CELF2: variants seen among roughly 807,000 people sequenced by gnomAD.
CELF2 encodes CUGBP Elav-like family member 2, also known as CUG triplet repeat RNA-binding protein 2.
In CELF2, 8 loss-of-function variants were observed where a neutral mutation model predicts 62.6. The ratio of observed to expected loss-of-function variants is 0.13; its 90% CI spans 0.07 to 0.23. The LOEUF (loss-of-function observed/expected upper bound fraction) is 0.23, where lower values mean the gene tolerates loss of function less well. Among genes scored for constraint, CELF2 ranks in the 10% least tolerant of loss-of-function variants. CELF2 has a pLI of 1.00. For synonymous variants in CELF2, 258 were observed against 250.0 expected (o/e 1.03, Z -0.30); for missense variants, 333 against 671.0 (o/e 0.50, Z 5.56).
intron 2 of CELF2, among the ~76,000 whole-genome samples, chr10:11,195,419 A>G (rs971584186): frequency 2.0e-5 from 3 of 152,206 alleles, no homozygotes; most frequent in African/African-American, 7.2e-5. Context: ...CCTTGAAGCC[A>G]GACTTAGGTA....
At chr10:10,740,737 G>C in the CELF2 span, among the ~76,000 whole-genome samples, 1 of 152,172 alleles carries the variant, frequency 6.6e-6, no homozygotes, top group Non-Finnish European at 1.5e-5. Flanking sequence ...CACACTCAAT[G>C]GAGTATTAAT....
chr10:11,166,425 C>G (rs2133392918), intron 2 of CELF2, among the ~76,000 whole-genome samples: 1 of 152,310 alleles, frequency 6.6e-6, no homozygotes, highest in South Asian at 2.1e-4. Context: ...ACCCAGAAAC[C>G]ATTGTGAGGA....
intron 1 of CELF2, among the ~76,000 whole-genome samples, chr10:10,800,871 A>G (rs1251851377): frequency 6.6e-6 from 1 of 151,770 alleles, no homozygotes; most frequent in Non-Finnish European, 1.5e-5. Context: ...TTTAAACTGG[A>G]TTACTAACCT....
intron 2 of CELF2, chr10:10,929,530 G>A (rs559753410): frequency 6.6e-6 from 1 of 152,212 alleles, no homozygotes; most frequent in Non-Finnish European, 1.5e-5. Context: ...GCAGCCCAGC[G>A]AAGTGATTCA....
At chr10:10,503,510 ATCAGATATTAATATAGCCACTCCTACTT>A in the CELF2 span, among the ~76,000 whole-genome samples, 1 of 151,854 alleles carries the variant, frequency 6.6e-6, no homozygotes, top group Non-Finnish European at 1.5e-5. Context: ...TTGCTTGGAA[ATCAGATATTAATATAGCCACTCCTACTT>A]TCGCTTGATT....
intron 1 of CELF2, among the ~76,000 whole-genome samples, chr10:11,100,717 A>G (rs2051347287): frequency 6.6e-6 from 1 of 152,176 alleles, no homozygotes. Context: ...GTAGCATTTT[A>G]TAATGTGAGA....
chr10:10,971,388 C>T lies in CELF2; in HGVS notation c.89+51389C>T, dbSNP rs541076965. On this transcript the variant is annotated intron_variant, in intron 2 of 13. Coordinates refer to the CELF2 transcript ENST00000636488. The stretch of plus-strand genomic sequence containing the variant: ...CCCCTCACCTTATACATTTTTGGCT[C>T]TTCTTTCTCTCGCTCGCTCACTTGC... Among the ~76,000 whole-genome samples, 9 of 152,234 alleles carry T rather than the reference C, an allele frequency of 5.9e-5. No individual in the cohort carries two copies. In the South Asian group the frequency reaches 1.9e-3, roughly 32 times the overall value.
At chr10:10,582,406 T>G in the CELF2 span, among the ~76,000 whole-genome samples, 1 of 152,188 alleles carries the variant, frequency 6.6e-6, no homozygotes, top group African/African-American at 2.4e-5. Flanking sequence ...CCTGAGATAG[T>G]TTTCCGAGAT....
chr10:11,319,458 G>A lies in CELF2; in HGVS notation c.1097-1731G>A, dbSNP rs1017463493. On this transcript the variant is annotated intron_variant, in intron 10 of 12. Transcript: ENST00000633077. The surrounding 1 kb of genome is among the most constrained non-coding windows in gnomAD (Gnocchi z 4.4). ...AGGTGGCCGCGATTTGCTGGTGTCC[G>A]AGGGATCATTTAGGGTAATTAGGAC... 2.0e-5 allele frequency among the ~76,000 whole-genome samples: 3 copies of A among 152,182 alleles called. No homozygotes were observed. Among genetic ancestry groups the A allele is most frequent in the Non-Finnish European group, 4.4e-5 (3 of 68,026 alleles).
chr10:10,841,861 G>A (rs1309021472), intron 1 of CELF2, among the ~76,000 whole-genome samples: 1 of 152,000 alleles, frequency 6.6e-6, no homozygotes, highest in African/African-American at 2.4e-5. Context: ...AAATTGCATT[G>A]AATCTATAAA....
At chr10:11,283,076 C>T (rs531456150) in intron 8 of CELF2, among the ~76,000 whole-genome samples, 2 of 152,272 alleles carry the variant, frequency 1.3e-5, no homozygotes, top group South Asian at 2.1e-4. Flanking sequence ...CTTATGAGCA[C>T]GCACTTCTGA....
chr10:11,051,602 A>ATAACAGATACGGTGACT (rs1380806321), intron 1 of CELF2, among the ~76,000 whole-genome samples: 1 of 152,236 alleles, frequency 6.6e-6, no homozygotes, highest in Admixed American at 6.5e-5. Context: ...CTAAGGTTTC[A>ATAACAGATACGGTGACT]TAACAGATAC....
chr10:10,492,262 C>A, the CELF2 span, among the ~76,000 whole-genome samples: 2 of 152,164 alleles, frequency 1.3e-5, no homozygotes, highest in Non-Finnish European at 2.9e-5. Flanking sequence ...TCCAGCCTTG[C>A]CCCTCTTTTC....
chr10:10,718,021 A>T, the CELF2 span, among the ~76,000 whole-genome samples: 4 of 152,212 alleles, frequency 2.6e-5, no homozygotes, highest in Non-Finnish European at 5.9e-5. Context: ...AGAGGCATTC[A>T]TGTAGATTAT....
chr10:11,194,903 G>A (rs1406793104), intron 2 of CELF2, among the ~76,000 whole-genome samples: 1 of 152,134 alleles, frequency 6.6e-6, no homozygotes, highest in East Asian at 1.9e-4. Context: ...CGTCTTTGTT[G>A]GACAAGCCAG....
At chr10:10,992,972 G>T (rs1182172271) in intron 2 of CELF2, among the ~76,000 whole-genome samples, 1 of 152,166 alleles carries the variant, frequency 6.6e-6, no homozygotes, top group Non-Finnish European at 1.5e-5. Flanking sequence ...AGGATGTGCT[G>T]AAACACTTAT....
At chr10:11,317,645 C>T (rs879364722) in intron 10 of CELF2, 1 of 152,264 alleles carries the variant, frequency 6.6e-6, no homozygotes, top group Non-Finnish European at 1.5e-5. Flanking sequence ...TGTGATTCTC[C>T]TTTTCAGTGT....
intron 1 of CELF2, among the ~76,000 whole-genome samples, chr10:11,020,279 G>A (rs906442202): frequency 1.3e-5 from 2 of 152,104 alleles, no homozygotes; most frequent in South Asian, 2.1e-4. Context: ...TTGAACTAAG[G>A]GAAGAAAAGA....
intron 1 of CELF2, among the ~76,000 whole-genome samples, chr10:11,029,733 A>C (rs897078854): frequency 3.3e-5 from 5 of 152,274 alleles, no homozygotes; most frequent in African/African-American, 1.2e-4. Context: ...TCTTTGGAGA[A>C]GAGGGCCAGC....
Sources: gnomAD v4.1 joint callset for allele counts (sites outside exome capture counted in the v4.1 genomes callset) on GRCh38, gnomAD v4.1.1 for gene constraint, Gnocchi (gnomAD v3.1) non-coding constraint, MANE v1.5 for transcripts, NCBI Gene and HGNC (gene_info 2026-07-23, HGNC 2026-07-21) for gene names.